Variants in MSH4 observed in about 807,000 individuals in gnomAD.
MSH4 encodes mutS protein homolog 4.
A neutral mutation model predicts 113.7 loss-of-function variants in MSH4; 106 were observed. The ratio of observed to expected loss-of-function variants is 0.93; its 90% CI spans 0.80 to 1.10. The LOEUF is 1.10. MSH4 is among the 50% of genes least tolerant of loss of function. MSH4 has a pLI of 0.00. For synonymous variants in MSH4, 368 were observed against 380.2 expected, an observed-to-expected ratio of 0.97 and a Z score of 0.37; for missense variants, 1,061 against 1,093.7, an observed-to-expected ratio of 0.97 and a Z score of 0.42.
chr1:75,831,109 T>C lies in MSH4; in HGVS notation c.1162+8528T>C, dbSNP rs540883236. ...GATGGAGGAAGGTGTACCAAGCAAA[T>C]GGAAAACAAAAAAAGCAGGGGTTGC... On this transcript the variant is annotated intron_variant, in intron 7 of 19. Coordinates refer to ENST00000263187, the MANE Select transcript of MSH4 (RefSeq NM_002440.4). Among the ~76,000 whole-genome samples, 125 of 151,518 alleles carry C rather than the reference T, an allele frequency of 8.2e-4. 1 individual carries two copies. The highest frequency in any genetic ancestry group is 1.6e-3 in the Non-Finnish European group (110 of 67,914).
intron 16 of MSH4, among the ~76,000 whole-genome samples, 172 bp from the exon 17 acceptor site, chr1:75,890,524 T>A (rs1180957109): frequency 6.6e-6 from 1 of 152,080 alleles, no homozygotes; most frequent in African/African-American, 2.4e-5. Flanking sequence ...CTACTGGAAT[T>A]ATTAGTCATG....
intron 8 of MSH4, among the ~76,000 whole-genome samples, chr1:75,848,991 G>A (rs1431758361): frequency 2.0e-5 from 3 of 152,072 alleles, no homozygotes; most frequent in African/African-American, 7.2e-5. Flanking sequence ...GAGTGCAGTG[G>A]TGCGATTTTG....
Position 75,822,551 on chromosome 1 carries a change from G to T in MSH4, c.1132G>T (p.Asp378Tyr). ...AGATTGTGTTCAAGAACTACTTCAA[G>T]ATGAGGAACTATTTTTTGGACTTCA... ...RLDCVQELLQ[D>Y]EELFFGLQSV... The change falls in exon 7 of 20, where the codon GAT becomes TAT. Residue 378 changes from aspartate (D) to tyrosine (Y), a missense_variant. Asp to Tyr is a radical substitution (Grantham distance 160). Transcript: ENST00000263187. The T allele has an allele frequency of 6.5e-7, 1 of 1,538,236 alleles. No homozygotes were observed. Among genetic ancestry groups the T allele is most frequent in the Non-Finnish European group, 8.7e-7 (1 of 1,149,956 alleles).
intron 7 of MSH4, among the ~76,000 whole-genome samples, chr1:75,829,545 C>T (rs547034789): frequency 2.0e-4 from 31 of 152,280 alleles, no homozygotes; most frequent in South Asian, 1.2e-3. Context: ...CAGTAGGGGC[C>T]GACTGACACC....
At chr1:75,830,811 A>G (rs1650667680) in intron 7 of MSH4, among the ~76,000 whole-genome samples, 1 of 152,198 alleles carries the variant, frequency 6.6e-6, no homozygotes, top group South Asian at 2.1e-4. Flanking sequence ...GAAAGGAACA[A>G]CCAGTACCAG....
chr1:75,842,200 T>C (rs1418318013), intron 7 of MSH4, among the ~76,000 whole-genome samples: 1 of 152,212 alleles, frequency 6.6e-6, no homozygotes, highest in Non-Finnish European at 1.5e-5. Flanking sequence ...TGAGTTTATC[T>C]GAAGACCTGG....
intron 8 of MSH4, among the ~76,000 whole-genome samples, chr1:75,858,172 C>A (rs1334918507): frequency 6.6e-6 from 1 of 152,188 alleles, no homozygotes; most frequent in Admixed American, 6.5e-5. Flanking sequence ...TGAGCTGAGA[C>A]AATGGGGTTT....
rs758096456 is a variant in MSH4 at position 75,803,741 on chromosome 1, T to C, written c.255T>C (p.Phe85=). The C allele has an allele frequency of 2.5e-6, 4 of 1,570,800 alleles. No individual in the cohort carries two copies. The highest frequency in any genetic ancestry group is 2.3e-5 in the East Asian group (1 of 43,364). The change falls in exon 2 of 20, where the codon TTT becomes TTC. Residue 85 remains phenylalanine (F), a synonymous_variant. Transcript: ENST00000263187. ...ATTTTTCAAATTTAGGTTCATACTT[T>C]GGAAACAAAAGAGCTTATGCAGAAA... The part of the protein sequence containing the change: ...PNSRPAQGSY[F]GNKRAYAENT...
At chr1:75,853,586 C>T (rs1448446668) in intron 8 of MSH4, among the ~76,000 whole-genome samples, 1 of 152,088 alleles carries the variant, frequency 6.6e-6, no homozygotes, top group Non-Finnish European at 1.5e-5. Context: ...TAGCTTGAAA[C>T]CATGTAAATA....
chr1:75,811,604 T>G (rs1291195878), intron 4 of MSH4, among the ~76,000 whole-genome samples: 1 of 152,208 alleles, frequency 6.6e-6, no homozygotes, highest in Non-Finnish European at 1.5e-5. Context: ...GCCTTCCAGT[T>G]AGCCTGCTAC....
At chr1:75,885,828 T>C (rs1342105629) in intron 15 of MSH4, among the ~76,000 whole-genome samples, 4 of 126,666 alleles carry the variant, frequency 3.2e-5, no homozygotes, top group African/African-American at 1.2e-4. Context: ...ATAGTATATG[T>C]AATGTATTAT....
intron 4 of MSH4, among the ~76,000 whole-genome samples, chr1:75,811,384 TAAGG>T (rs1268854670): frequency 1.3e-5 from 2 of 152,168 alleles, no homozygotes; most frequent in African/African-American, 4.8e-5. Context: ...TTTTAGGTAA[TAAGG>T]AAGTTTCTCA....
Position 75,889,350 on chromosome 1 carries a change from T to A in MSH4, c.2207T>A (p.Phe736Tyr). The A allele has an allele frequency of 6.7e-7, 1 of 1,490,800 alleles. No homozygotes were observed. Among genetic ancestry groups the A allele is most frequent in the Non-Finnish European group, 9.2e-7 (1 of 1,090,290 alleles). The allele number at this position is 1,490,800 out of a possible 1,614,324, so 92.3% of individuals were successfully genotyped here. A position where few individuals can be genotyped will look rare whatever the true frequency, so the allele number is the denominator to read the frequency against. ...DDDIETNSST[F>Y]MKEMKEIAYI... ...GATATCGAAACAAATTCATCAACATTTATGAAAGAAATGAAAGAGGTACCC... is the reference window on the plus strand; with the variant it reads ...GATATCGAAACAAATTCATCAACATATATGAAAGAAATGAAAGAGGTACCC... The change falls in exon 16 of 20, where the codon TTT becomes TAT. Residue 736 changes from phenylalanine (F) to tyrosine (Y), a missense_variant. Transcript: ENST00000263187.
At chr1:75,881,538 A>T (rs562491047) in intron 14 of MSH4, among the ~76,000 whole-genome samples, 168 bp downstream of exon 14, 32 of 152,014 alleles carry the variant, frequency 2.1e-4, no homozygotes, top group South Asian at 6.2e-4. Flanking sequence ...TACCCTTAAA[A>T]TTTTTTTTGA....
At chr1:75,825,360 T>G (rs944166377) in intron 7 of MSH4, among the ~76,000 whole-genome samples, 4 of 152,160 alleles carry the variant, frequency 2.6e-5, no homozygotes, top group African/African-American at 9.7e-5. Flanking sequence ...AAGGAGTTTT[T>G]GGGCTGAGAC....
At chr1:75,861,529 G>A (rs537311910) in intron 8 of MSH4, among the ~76,000 whole-genome samples, 45 of 152,186 alleles carry the variant, frequency 3.0e-4, no homozygotes, top group Non-Finnish European at 6.2e-4. Context: ...CCACTCAGCT[G>A]CAGGTCTGTT....
intron 7 of MSH4, among the ~76,000 whole-genome samples, chr1:75,835,466 C>CATTG (rs1222802923): frequency 6.6e-6 from 1 of 152,138 alleles, no homozygotes; most frequent in Non-Finnish European, 1.5e-5. Context: ...AATCATGTTA[C>CATTG]ATTGGTCAAG....
At chr1:75,798,312 C>T (rs1343647134) in intron 1 of MSH4, among the ~76,000 whole-genome samples, 1 of 152,074 alleles carries the variant, frequency 6.6e-6, no homozygotes, top group African/African-American at 2.4e-5. Context: ...ATTTGGCTTC[C>T]TTGATTCCAC....
At chr1:75,799,103 T>C (rs1146644) in intron 1 of MSH4, among the ~76,000 whole-genome samples, 90,454 of 152,056 alleles carry the variant, frequency 0.59, 28,279 homozygotes, top group African/African-American at 0.73. Context: ...TGCAATTCCT[T>C]TAAAGCAACA....
Sources: gnomAD v4.1 joint callset for allele counts (sites outside exome capture counted in the v4.1 genomes callset) on GRCh38, gnomAD v4.1.1 for gene constraint, MANE v1.5 for transcripts, NCBI Gene and HGNC (gene_info 2026-07-23, HGNC 2026-07-21) for gene names.